The following LYPLA1 variants were observed in gnomAD, a reference collection of about 807,000 sequenced individuals.
LYPLA1 encodes lysophospholipase 1, also known as acyl-protein thioesterase 1.
In LYPLA1, 17 loss-of-function variants were observed where a neutral mutation model predicts 34.0. That is an observed-to-expected ratio of 0.50 (90% CI 0.34 to 0.75). LYPLA1 has a LOEUF of 0.75. Among genes scored for constraint, LYPLA1 ranks in the 30% least tolerant of loss-of-function variants. The pLI is 0.01. For synonymous variants in LYPLA1, 98 were observed against 100.8 expected, an observed-to-expected ratio of 0.97 and a Z score of 0.17; for missense variants, 203 against 288.8, an observed-to-expected ratio of 0.70 and a Z score of 2.15.
intron 2 of LYPLA1, among the ~76,000 whole-genome samples, chr8:54,098,662 CAG>C (rs1809873432): frequency 6.6e-6 from 1 of 152,164 alleles, no homozygotes; most frequent in Admixed American, 6.5e-5. Flanking sequence ...GCCTGGGTGA[CAG>C]AGTGAGACTC....
rs546764133 is a variant in LYPLA1, at chr8:54,086,504, G to A, written c.101+14404C>T. ...TCCCCCCCGCCCAAAAAAAGGAACA[G>A]TTACTCATTTAGAAGGCCATTATTA... On this transcript the variant is annotated intron_variant, in intron 2 of 8. Coordinates refer to ENST00000316963, the MANE Select transcript of LYPLA1 (RefSeq NM_006330.4). Among the ~76,000 whole-genome samples, 397 of 93,670 alleles carry A rather than the reference G, an allele frequency of 4.2e-3. 3 individuals are homozygous for A. Among genetic ancestry groups the A allele is most frequent in the African/African-American group, 0.018 (377 of 21,454 alleles). 61.5% of individuals were successfully genotyped at this position (93,670 alleles called of 152,430 possible). A position where few individuals can be genotyped will look rare whatever the true frequency, so the allele number is the denominator to read the frequency against.
chr8:54,078,887 C>CTTTTT (rs745516578), intron 2 of LYPLA1, among the ~76,000 whole-genome samples: 10 of 149,074 alleles, frequency 6.7e-5, no homozygotes, highest in African/African-American at 2.2e-4. Context: ...AACCCCCCCC[C>CTTTTT]TTTTTTTTTG....
intron 8 of LYPLA1, 45 bp from the exon 9 acceptor site, chr8:54,048,163 C>A: frequency 1.6e-6 from 2 of 1,263,820 alleles, no homozygotes; most frequent in South Asian, 1.2e-5. Flanking sequence ...TTATGTAAGT[C>A]AGAAATTAAA....
intron 2 of LYPLA1, among the ~76,000 whole-genome samples, chr8:54,096,531 G>A (rs1809696108): frequency 6.6e-6 from 1 of 152,138 alleles, no homozygotes; most frequent in African/African-American, 2.4e-5. Flanking sequence ...GAGGTCAGGA[G>A]TTTGAGATCA....
At chr8:54,051,807 GGTT>G (rs1049761254) in intron 7 of LYPLA1, among the ~76,000 whole-genome samples, 1 of 150,322 alleles carries the variant, frequency 6.7e-6, no homozygotes, top group African/African-American at 2.4e-5. Context: ...TTGTTTGGTT[GGTT>G]GTTTTAGTAT....
intron 2 of LYPLA1, among the ~76,000 whole-genome samples, chr8:54,082,241 G>C (rs1448518105): frequency 6.6e-6 from 1 of 152,098 alleles, no homozygotes; most frequent in Non-Finnish European, 1.5e-5. Context: ...AAATCAAAAA[G>C]AATTTATACA....
At chr8:54,043,328 G>A (rs1238764390), downstream of LYPLA1, 1 of 152,236 alleles carries the variant, frequency 6.6e-6, no homozygotes, top group Non-Finnish European at 1.5e-5. Context: ...CCAGGCTGGA[G>A]TCAGTGGTGT....
chr8:54,062,434 T>C (rs1806717021), intron 4 of LYPLA1, 110 bp from the exon 5 acceptor site: 1 of 387,794 alleles, frequency 2.6e-6, no homozygotes, highest in Non-Finnish European at 4.4e-6. Flanking sequence ...AGAAATATGT[T>C]TTATTTTATT....
chr8:54,074,916 G>A (rs1299075900), intron 2 of LYPLA1, among the ~76,000 whole-genome samples: 2 of 152,318 alleles, frequency 1.3e-5, no homozygotes, highest in East Asian at 1.9e-4. Flanking sequence ...AGTGTTTTGC[G>A]GTGATGGGCA....
At chr8:54,049,727 T>C (rs1252968228) in intron 8 of LYPLA1, among the ~76,000 whole-genome samples, 4 of 152,200 alleles carry the variant, frequency 2.6e-5, no homozygotes, top group African/African-American at 9.6e-5. Context: ...TAGGTCTTTC[T>C]CTGATCCCAC....
chr8:54,047,904 T>C lies in LYPLA1; in HGVS notation c.*161A>G. ...GTATAGAAACTTAAAAGATCATAAA[T>C]TTCTCATGAGGAGATATTATTTGAT... On this transcript the variant is annotated 3_prime_UTR_variant, in exon 9 of 9. Transcript: ENST00000316963. The C allele has an allele frequency of 2.0e-6, 1 of 490,828 alleles. No homozygotes were observed. Among genetic ancestry groups the C allele is most frequent in the Non-Finnish European group, 3.6e-6 (1 of 277,094 alleles). 30.4% of individuals were successfully genotyped at this position (490,828 alleles called of 1,614,324 possible). A position where few individuals can be genotyped will look rare whatever the true frequency, so the allele number is the denominator to read the frequency against.
intron 2 of LYPLA1, among the ~76,000 whole-genome samples, chr8:54,099,926 T>A (rs554576485): frequency 1.3e-5 from 2 of 152,056 alleles, no homozygotes; most frequent in East Asian, 3.9e-4. Context: ...TCAAGTGAAC[T>A]ACCCACCTCG....
downstream of LYPLA1, among the ~76,000 whole-genome samples, chr8:54,045,281 CTATT>C (rs1300016667): frequency 2.6e-5 from 4 of 152,260 alleles, no homozygotes; most frequent in South Asian, 2.1e-4. Flanking sequence ...GGATTTAAAA[CTATT>C]TATACTTTCA....
chr8:54,059,076 A>C (rs1016491977), intron 5 of LYPLA1, among the ~76,000 whole-genome samples: 2 of 152,200 alleles, frequency 1.3e-5, no homozygotes, highest in African/African-American at 4.8e-5. Context: ...AGAATCTTTC[A>C]TTCTGGACCT....
rs1465683799 is a variant in LYPLA1, at chr8:54,066,143, TAGCC to T, written c.102-334_102-331del. Among the ~76,000 whole-genome samples the T allele has an allele frequency of 3.3e-5, 5 of 152,126 alleles. No homozygotes were observed. The South Asian group carries it at 1.0e-3, about 32-fold the overall frequency. On this transcript the variant is annotated intron_variant, in intron 2 of 8. Transcript: ENST00000316963. ...TAGTAGAGACGGGGTTTCACCATGT[TAGCC>T]AGGATGGTCTTGATCTCCTGACCTC... is the stretch of plus-strand genomic sequence containing the variant.
At chr8:54,092,647 A>G (rs1025444940) in intron 2 of LYPLA1, among the ~76,000 whole-genome samples, 2 of 152,194 alleles carry the variant, frequency 1.3e-5, no homozygotes, top group Non-Finnish European at 1.5e-5. Flanking sequence ...AGCTGTAGCC[A>G]ACTCTTTTGA....
At chr8:54,062,210 C>T in intron 5 of LYPLA1, 44 bp downstream of exon 5, 2 of 1,347,090 alleles carry the variant, frequency 1.5e-6, no homozygotes, top group Non-Finnish European at 2.1e-6. Context: ...CTACTAAAAA[C>T]ATTTAAGAAC....
intron 2 of LYPLA1, among the ~76,000 whole-genome samples, chr8:54,079,700 T>C (rs1808170177): frequency 6.6e-6 from 1 of 151,922 alleles, no homozygotes; most frequent in South Asian, 2.1e-4. Flanking sequence ...GAGACTGAGG[T>C]GGGAGGATCA....
chr8:54,061,918 C>T (rs539091950), intron 5 of LYPLA1, among the ~76,000 whole-genome samples: 18 of 152,212 alleles, frequency 1.2e-4, no homozygotes, highest in Non-Finnish European at 1.6e-4. Context: ...CGCAGTGGGG[C>T]GATCTCAGCT....
Sources: allele counts gnomAD v4.1 joint callset (sites outside exome capture counted in the v4.1 genomes callset), GRCh38; gene constraint gnomAD v4.1.1; transcripts MANE v1.5; gene names NCBI Gene and HGNC (gene_info 2026-07-23, HGNC 2026-07-21).